Variants in TMOD3 observed in about 807,000 individuals in gnomAD.
TMOD3 encodes the protein tropomodulin 3, also known as tropomodulin-3.
A neutral mutation model predicts 39.2 loss-of-function variants in TMOD3; 20 were observed. The observed-to-expected ratio is 0.51, with a 90% CI of 0.36 to 0.74. The LOEUF is 0.74. Ranked by LOEUF, TMOD3 falls within the 30% of genes least tolerant of loss-of-function variation. The pLI, the probability that TMOD3 is intolerant of heterozygous loss-of-function variation, is 0.00. For synonymous variants in TMOD3, 143 were observed against 145.8 expected (o/e 0.98, Z 0.14); for missense variants, 381 against 412.8 (o/e 0.92, Z 0.67).
intron 3 of TMOD3, among the ~76,000 whole-genome samples, chr15:51,875,771 A>G (rs998579889): frequency 6.6e-6 from 1 of 151,682 alleles, no homozygotes; most frequent in East Asian, 1.9e-4. Context: ...AGCCGCCACC[A>G]TGCCCAGCTA....
At chr15:51,872,605 T>TTTTG (rs1478511259) in intron 3 of TMOD3, among the ~76,000 whole-genome samples, 1 of 151,186 alleles carries the variant, frequency 6.6e-6, no homozygotes, top group Non-Finnish European at 1.5e-5. Context: ...AATTTGTTTT[T>TTTTG]TTTTTTTTTG....
chr15:51,868,963 C>T (rs2056461009), intron 2 of TMOD3, among the ~76,000 whole-genome samples: 1 of 152,184 alleles, frequency 6.6e-6, no homozygotes, highest in African/African-American at 2.4e-5. Flanking sequence ...TAGAAGGAGA[C>T]TGTCTCCAAA....
chr15:51,836,012 T>G (rs959969613), intron 1 of TMOD3, among the ~76,000 whole-genome samples: 2 of 152,146 alleles, frequency 1.3e-5, no homozygotes, highest in African/African-American at 4.8e-5. Context: ...TCCTAAAGCT[T>G]AACTAAAATA....
At chr15:51,878,374 A>ATGTGTGTG (rs1445627118) in intron 3 of TMOD3, among the ~76,000 whole-genome samples, 17 of 80,788 alleles carry the variant, frequency 2.1e-4, no homozygotes, top group East Asian at 1.1e-3. Flanking sequence ...TCTTTAAAAT[A>ATGTGTGTG]TATGTGTGTG....
rs374220102 is a variant in TMOD3, at chr15:51,893,808, A to G, written c.497-7A>G. On this transcript the variant is annotated splice_polypyrimidine_tract_variant and splice_region_variant and intron_variant, in intron 5 of 9. Transcript: ENST00000308580. ...TCAAATCCTGCTCTTTTCATTTATC[A>G]CTGCAGATGTGGTCAAAGGTGAAAA... 1.3e-6 allele frequency: 2 copies of G among 1,512,832 alleles called. No individual in the cohort carries two copies. Among genetic ancestry groups the G allele is most frequent in the Non-Finnish European group, 1.8e-6 (2 of 1,128,252 alleles). 93.7% of individuals were successfully genotyped at this position (1,512,832 alleles called of 1,614,324 possible).
Position 51,860,457 on chromosome 15 carries a change from T to C in TMOD3, c.-74-2354T>C, listed in dbSNP as rs987380696. The C allele has an allele frequency of 6.9e-5, 39 of 566,222 alleles. No homozygotes were observed. In the Admixed American group the frequency reaches 7.4e-4, roughly 11 times the overall value. 35.1% of individuals were successfully genotyped at this position (566,222 alleles called of 1,614,324 possible). ...CATCCTAAAGTAGTCTTGATAAAGT[T>C]TTGGGCCCTCTGGATGAAAGTGCAG... On this transcript the variant is annotated intron_variant, in intron 1 of 9. Transcript: ENST00000308580.
At chr15:51,830,909 T>G (rs2056251725) in intron 1 of TMOD3, among the ~76,000 whole-genome samples, 1 of 152,192 alleles carries the variant, frequency 6.6e-6, no homozygotes, top group South Asian at 2.1e-4. Context: ...ACAGTCCCCT[T>G]TCTTACACAT....
At chr15:51,841,708 A>G (rs1043192687) in intron 1 of TMOD3, among the ~76,000 whole-genome samples, 18 of 152,178 alleles carry the variant, frequency 1.2e-4, no homozygotes, top group Admixed American at 3.9e-4. Flanking sequence ...CTCTGAAACT[A>G]TCCCCAATTG....
At chr15:51,906,362 A>G (rs1406935169) in intron 9 of TMOD3, among the ~76,000 whole-genome samples, 1 of 152,178 alleles carries the variant, frequency 6.6e-6, no homozygotes, top group Non-Finnish European at 1.5e-5. Context: ...CACCTTGTAG[A>G]TGGGGCTTTA....
In TMOD3 at chr15:51,912,146, G is replaced by C. The variant is rs2056714732; in HGVS notation, c.*3336G>C. The C allele has an allele frequency of 6.6e-6, 1 of 152,108 alleles. No individual in the cohort carries two copies. Among genetic ancestry groups the C allele is most frequent in the African/African-American group, 2.4e-5 (1 of 41,416 alleles). 9.4% of individuals were successfully genotyped at this position (152,108 alleles called of 1,614,324 possible). A position where few individuals can be genotyped will look rare whatever the true frequency, so the allele number is the denominator to read the frequency against. ...AAAAATTATTTTAAAAAATGTTTTG[G>C]GCCGGGTGCGGTGGCTCACGCCTGT... On this transcript the variant is annotated 3_prime_UTR_variant, in exon 10 of 10. Coordinates refer to ENST00000308580, the MANE Select transcript of TMOD3 (RefSeq NM_014547.5).
intron 3 of TMOD3, among the ~76,000 whole-genome samples, chr15:51,873,589 A>G (rs1210009172): frequency 6.6e-6 from 1 of 152,244 alleles, no homozygotes; most frequent in African/African-American, 2.4e-5. Flanking sequence ...CCTTCTGACC[A>G]GGGAATGTTG....
chr15:51,853,307 TC>T (rs2056371631), intron 1 of TMOD3, among the ~76,000 whole-genome samples: 1 of 152,276 alleles, frequency 6.6e-6, no homozygotes, highest in African/African-American at 2.4e-5. Flanking sequence ...GTTCAAGTGA[TC>T]CTCCCACCTC....
At chr15:51,887,843 G>C (rs757160849) in intron 4 of TMOD3, 132 bp downstream of exon 4, 1 of 1,169,670 alleles carries the variant, frequency 8.5e-7, no homozygotes, top group Non-Finnish European at 1.2e-6. Flanking sequence ...CACATATTTG[G>C]CTTTATATTT....
At chr15:51,878,456 G>T (rs2056516840) in intron 3 of TMOD3, among the ~76,000 whole-genome samples, 1 of 150,318 alleles carries the variant, frequency 6.7e-6, no homozygotes, top group Non-Finnish European at 1.5e-5. Flanking sequence ...CAGGCATGTG[G>T]GTAAATTCTG....
chr15:51,851,120 T>C (rs535503303), intron 1 of TMOD3, among the ~76,000 whole-genome samples: 18 of 152,144 alleles, frequency 1.2e-4, no homozygotes, highest in Admixed American at 8.5e-4. Flanking sequence ...GGCACACTTA[T>C]TGGTAAGGAT....
Position 51,909,387 on chromosome 15 carries a change from A to C in TMOD3, c.*577A>C, listed in dbSNP as rs1386134921. On this transcript the variant is annotated 3_prime_UTR_variant, in exon 10 of 10. Transcript: ENST00000308580. ...AGGGAGAGAGGGTGGTCGTCTGTGC[A>C]TTCCAGGTTACTGCACTTGTCTGAT... The C allele has an allele frequency of 6.5e-6, 1 of 152,672 alleles. No individual in the cohort carries two copies. Among genetic ancestry groups the C allele is most frequent in the African/African-American group, 2.4e-5 (1 of 41,428 alleles). 9.5% of individuals were successfully genotyped at this position (152,672 alleles called of 1,614,324 possible).
chr15:51,885,365 A>G (rs189414086), intron 3 of TMOD3, among the ~76,000 whole-genome samples: 3 of 150,948 alleles, frequency 2.0e-5, no homozygotes, highest in African/African-American at 7.3e-5. Context: ...TCATAGGACA[A>G]TAGTGGAGGG....
intron 1 of TMOD3, among the ~76,000 whole-genome samples, chr15:51,837,919 G>A (rs1366613393): frequency 6.6e-6 from 1 of 152,104 alleles, no homozygotes. Context: ...CCTGAATCTG[G>A]TATAGCACAC....
intron 7 of TMOD3, among the ~76,000 whole-genome samples, chr15:51,899,371 A>G (rs190961566): frequency 6.6e-6 from 1 of 152,194 alleles, no homozygotes; most frequent in African/African-American, 2.4e-5. Context: ...GGTACATATG[A>G]AAAATAGGTA....
Sources: gnomAD v4.1 joint callset for allele counts (sites outside exome capture counted in the v4.1 genomes callset) on GRCh38, gnomAD v4.1.1 for gene constraint, MANE v1.5 for transcripts, NCBI Gene and HGNC (gene_info 2026-07-23, HGNC 2026-07-21) for gene names.